Variants in ADGRA1 observed in about 807,000 individuals in gnomAD.
ADGRA1 encodes adhesion G protein-coupled receptor A1.
Under a neutral mutation model 21.3 loss-of-function variants are expected in ADGRA1, and 12 were observed. The observed-to-expected ratio is 0.56, with a 90% confidence interval of 0.36 to 0.91. The LOEUF (loss-of-function observed/expected upper bound fraction) is 0.91. Ranked by LOEUF, ADGRA1 falls within the 40% of genes least tolerant of loss-of-function variation. The probability of loss-of-function intolerance (pLI) is 0.01; values close to 1 mark genes in which losing one functional copy is unlikely to be tolerated. For missense variants in ADGRA1, 790 were observed against 805.6 expected (o/e 0.98, Z 0.23); for synonymous variants, 385 against 368.8 (o/e 1.04, Z -0.50).
At chr10:133,093,619 C>A (rs1329217174) in intron 2 of ADGRA1, among the ~76,000 whole-genome samples, 1 of 152,246 alleles carries the variant, frequency 6.6e-6, no homozygotes, top group Non-Finnish European at 1.5e-5. Flanking sequence ...GCTGGCATTC[C>A]GGCCATTTCA....
intron 2 of ADGRA1, chr10:133,093,184 G>A (rs765037894): frequency 9.4e-6 from 15 of 1,595,176 alleles, no homozygotes; most frequent in Non-Finnish European, 1.3e-5. Flanking sequence ...CCCGCAGGGA[G>A]GAAGATTCCT....
intron 5 of ADGRA1, among the ~76,000 whole-genome samples, chr10:133,115,664 C>T (rs1852143596): frequency 6.6e-6 from 1 of 152,146 alleles, no homozygotes; most frequent in African/African-American, 2.4e-5. Context: ...GGGGACTCAG[C>T]ACAGCCGAGG....
Position 133,128,871 on chromosome 10 carries a change from G to A in ADGRA1, c.1043G>A (p.Gly348Glu). Reference protein sequence around the residue: ...LGRAACLHSPGLGQPRGFAHP... With the variant: ...LGRAACLHSPELGQPRGFAHP... ...CGCGCCGCCTGCCTGCACTCGCCGGGACTGGGCCAGCCACGGGGCTTCGCG... is the reference window on the plus strand; with the variant it reads ...CGCGCCGCCTGCCTGCACTCGCCGGAACTGGGCCAGCCACGGGGCTTCGCG... The change falls in exon 7 of 7, where the codon GGA becomes GAA. Residue 348 changes from glycine (G) to glutamate (E), a missense_variant. Transcript: ENST00000392607. The A allele has an allele frequency of 6.3e-7, 1 of 1,574,998 alleles. No homozygotes were observed. The highest frequency in any genetic ancestry group is 1.1e-5 in the South Asian group (1 of 87,970).
intron 5 of ADGRA1, among the ~76,000 whole-genome samples, chr10:133,104,500 G>A (rs1023113377): frequency 6.6e-6 from 1 of 152,178 alleles, no homozygotes; most frequent in African/African-American, 2.4e-5. Context: ...AGCGGGCCCG[G>A]GGCTCGGCAC....
Position 133,111,180 on chromosome 10 carries a change from C to T in ADGRA1, c.401+8338C>T, listed in dbSNP as rs925507208. On this transcript the variant is annotated intron_variant, in intron 5 of 6. Coordinates refer to ENST00000392607, the MANE Select transcript of ADGRA1 (RefSeq NM_001083909.3). ...CACCAGACCACCTGCCCGCCGTGAG[C>T]ACCTCCCTCCTAATCCCTCCAGACA... Among the ~76,000 whole-genome samples the T allele has an allele frequency of 5.3e-3, 183 of 34,398 alleles. 40 individuals carry two copies. The highest frequency in any genetic ancestry group is 7.5e-3 in the Non-Finnish European group (152 of 20,392). 22.6% of individuals were successfully genotyped at this position (34,398 alleles called of 152,430 possible). A position where few individuals can be genotyped will look rare whatever the true frequency, so the allele number is the denominator to read the frequency against.
intron 5 of ADGRA1, among the ~76,000 whole-genome samples, chr10:133,112,571 T>G (rs1285776341): frequency 8.9e-6 from 1 of 112,980 alleles, no homozygotes; most frequent in Non-Finnish European, 1.9e-5. Context: ...GCATCGGTTA[T>G]TTGAGGTCTG....
intron 4 of ADGRA1, 77 bp from the exon 5 acceptor site, chr10:133,102,620 C>T: frequency 6.7e-7 from 1 of 1,500,684 alleles, no homozygotes; most frequent in Non-Finnish European, 9.0e-7. Flanking sequence ...CTTGAAGTTG[C>T]AAGCCCGGGC....
rs769935113 is a variant in ADGRA1, at chr10:133,097,087, C to T, written c.117C>T (p.Tyr39=). 6.2e-7 allele frequency: 1 copy of T among 1,606,194 alleles called. No homozygotes were observed. Among genetic ancestry groups the T allele is most frequent in the Admixed American group, 1.7e-5 (1 of 60,028 alleles). The part of the protein sequence containing the change: ...LLCLLASFVT[Y]IVHQSAIRIS... ...GCCTCCTGGCCTCCTTCGTCACCTA[C>T]ATCGTGCACCAGAGGTGAGCCTGGC... The change falls in exon 3 of 7, where the codon TAC becomes TAT. Residue 39 remains tyrosine, a synonymous_variant. Transcript: ENST00000392607.
intron 5 of ADGRA1, among the ~76,000 whole-genome samples, chr10:133,112,320 A>AGT (rs1564849955): frequency 3.8e-5 from 5 of 130,382 alleles, no homozygotes; most frequent in Non-Finnish European, 3.3e-5. Flanking sequence ...TGCGGGCCGC[A>AGT]TCGGTTATCT....
In ADGRA1 at chr10:133,129,273, C is replaced by T; in HGVS notation, c.1445C>T (p.Thr482Ile). 1.3e-6 allele frequency: 2 copies of T among 1,550,188 alleles called. No homozygotes were observed. Among genetic ancestry groups the T allele is most frequent in the South Asian group, 2.4e-5 (2 of 84,200 alleles). The change falls in exon 7 of 7, where the codon ACC becomes ATC. Residue 482 changes from threonine to isoleucine, a missense_variant. This residue lies in a region of ADGRA1 where 391 missense variants were observed against 351.5 expected (regional missense o/e 1.11). Transcript: ENST00000392607. ...CTQGDPFPMV[T>I]QPEGSDGSPA... ...CAGGGCGACCCCTTCCCCATGGTCACCCAGCCCGAGGGCAGTGATGGGAGC... is the reference window on the plus strand; with the variant it reads ...CAGGGCGACCCCTTCCCCATGGTCATCCAGCCCGAGGGCAGTGATGGGAGC...
chr10:133,126,969 C>T (rs1405902653), intron 5 of ADGRA1, among the ~76,000 whole-genome samples: 2 of 152,132 alleles, frequency 1.3e-5, no homozygotes, highest in African/African-American at 2.4e-5. Context: ...CCGCAGCCAA[C>T]GGAGCTCTCC....
At chr10:133,120,907 T>C (rs1044066308) in intron 5 of ADGRA1, among the ~76,000 whole-genome samples, 3 of 152,262 alleles carry the variant, frequency 2.0e-5, no homozygotes, top group African/African-American at 7.2e-5. Flanking sequence ...TCTAGTTTTA[T>C]AAATAAAGCA....
chr10:133,099,616 C>T (rs1851755581), intron 4 of ADGRA1, among the ~76,000 whole-genome samples: 2 of 152,198 alleles, frequency 1.3e-5, no homozygotes, highest in South Asian at 4.1e-4. Flanking sequence ...GAGACCCTTA[C>T]ATCAAAACTA....
rs902343228 is a variant in ADGRA1 at position 133,131,574 on chromosome 10, A to T, written c.*2063A>T. On this transcript the variant is annotated 3_prime_UTR_variant, in exon 7 of 7. Transcript: ENST00000392607. ...CCCTGGCCCCTGCAGCCCCTCATGA[A>T]CTTTCCACCCTCAGTGCCCCCGGCT... is the stretch of plus-strand genomic sequence containing the variant. 2 of 152,342 alleles carry T rather than the reference A, an allele frequency of 1.3e-5. No individual in the cohort carries two copies. The highest frequency in any genetic ancestry group is 4.8e-5 in the African/African-American group (2 of 41,390). 9.4% of individuals were successfully genotyped at this position (152,342 alleles called of 1,614,324 possible).
chr10:133,095,902 G>A (rs1250383626), intron 2 of ADGRA1: 1 of 1,279,132 alleles, frequency 7.8e-7, no homozygotes, highest in Non-Finnish European at 1.1e-6. Flanking sequence ...CGATGCCCAG[G>A]GCAGCATCCA....
rs771495110 is a variant in ADGRA1, at chr10:133,128,484, G to A, written c.656G>A (p.Arg219Gln). The A allele has an allele frequency of 2.7e-5, 42 of 1,564,152 alleles. No homozygotes were observed. In the East Asian group the frequency reaches 7.5e-4, roughly 28 times the overall value. Reference protein sequence around the residue: ...YELRTQPEEQRRLATPEGGRG... With the variant: ...YELRTQPEEQQRLATPEGGRG... ...CTGCGCACACAGCCCGAGGAGCAGCGGCGGCTGGCGACACCCGAGGGCGGC... is the reference window on the plus strand; with the variant it reads ...CTGCGCACACAGCCCGAGGAGCAGCAGCGGCTGGCGACACCCGAGGGCGGC... Residue 219 changes from arginine (R) to glutamine (Q), a missense_variant, in exon 7 of 7, where the codon CGG becomes CAG. Around this residue, in one of 3 missense-constraint regions of ADGRA1, gnomAD observed 382 missense variants for 415.6 expected, o/e 0.92. Coordinates refer to ENST00000392607, the MANE Select transcript of ADGRA1 (RefSeq NM_001083909.3).
chr10:133,128,173 ACT>A lies in ADGRA1; in HGVS notation c.501-152_501-151del, dbSNP rs565120546. 2.1e-3 allele frequency among the ~76,000 whole-genome samples: 319 copies of A among 148,584 alleles called. 2 individuals carry two copies. The highest frequency in any genetic ancestry group is 3.1e-3 in the Non-Finnish European group (211 of 67,148). ...CCAATAGGGCCCGGTTCCCATCCACACTCTCAGCGACTCTAGAAACGCCCAAG... is the reference window on the plus strand; with the variant it reads ...CCAATAGGGCCCGGTTCCCATCCACACTCAGCGACTCTAGAAACGCCCAAG... On this transcript the variant is annotated intron_variant, in intron 6 of 6. Coordinates refer to ENST00000392607, the MANE Select transcript of ADGRA1 (RefSeq NM_001083909.3).
chr10:133,112,283 A>C (rs376174106), intron 5 of ADGRA1, among the ~76,000 whole-genome samples: 1 of 152,044 alleles, frequency 6.6e-6, no homozygotes, highest in East Asian at 1.9e-4. Context: ...GATCAAGTGC[A>C]CCAAGCTGTG....
intron 5 of ADGRA1, among the ~76,000 whole-genome samples, chr10:133,115,388 G>A (rs1288924717): frequency 5.3e-5 from 8 of 152,178 alleles, no homozygotes; most frequent in South Asian, 2.1e-4. Flanking sequence ...AAGGGAAACC[G>A]ACAAGGCCTC....
Sources: gnomAD v4.1 joint callset for allele counts (sites outside exome capture counted in the v4.1 genomes callset) on GRCh38, gnomAD v4.1.1 for gene constraint, gnomAD v4.1.1 regional missense constraint, MANE v1.5 for transcripts, NCBI Gene and HGNC (gene_info 2026-07-23, HGNC 2026-07-21) for gene names.